Variants in CHST1 observed in about 807,000 individuals in gnomAD.
CHST1 encodes Keratan sulfotransferase.
Under a neutral mutation model 22.5 loss-of-function variants are expected in CHST1, and 10 were observed. The observed-to-expected ratio is 0.44, with a 90% CI of 0.27 to 0.75. The LOEUF (loss-of-function observed/expected upper bound fraction) is 0.75. CHST1 is among the 30% of genes least tolerant of loss of function. The pLI, the probability that CHST1 is intolerant of heterozygous loss-of-function variation, is 0.15. For missense variants in CHST1, 439 were observed against 576.1 expected (o/e 0.76, Z 2.44); for synonymous variants, 267 against 264.5 (o/e 1.01, Z -0.09).
At chr11:45,663,136 T>A (rs1042296059) in intron 1 of CHST1, among the ~76,000 whole-genome samples, 1 of 151,084 alleles carries the variant, frequency 6.6e-6, no homozygotes, top group Non-Finnish European at 1.5e-5. Flanking sequence ...GTTGGGAAAG[T>A]AAAGAGAGAT....
rs1196151893 is a variant in CHST1 at position 45,649,408 on chromosome 11, T to C, written c.*280A>G. 2 of 449,226 alleles carry C rather than the reference T, an allele frequency of 4.5e-6. No homozygotes were observed. The highest frequency in any genetic ancestry group is 7.8e-6 in the Non-Finnish European group (2 of 256,232). The allele number at this position is 449,226 out of a possible 1,614,324, so 27.8% of individuals were successfully genotyped here. ...TGTGTAAATGTGGTGCTTGTAAACA[T>C]TGTCACCGTCCGCACAGAGACCCAA... On this transcript the variant is annotated 3_prime_UTR_variant, in exon 4 of 4. Coordinates refer to ENST00000308064, the MANE Select transcript of CHST1 (RefSeq NM_003654.6).
chr11:45,657,487 C>T (rs1852076314), intron 1 of CHST1, among the ~76,000 whole-genome samples: 1 of 152,228 alleles, frequency 6.6e-6, no homozygotes, highest in South Asian at 2.1e-4. Context: ...CAAGAGATGT[C>T]CAGCTATTCC....
rs959047726 is a variant in CHST1, at chr11:45,664,563, C to A, written c.-227+615G>T. ...GTTACCGCGAAAGCCAGCACTGGGT[C>A]CCTGGAGCCTGGGAGGGGCTGATCC... On this transcript the variant is annotated intron_variant, in intron 1 of 3. Transcript: ENST00000308064. Among the ~76,000 whole-genome samples the A allele has an allele frequency of 7.0e-4, 107 of 152,330 alleles. 1 individual carries two copies. Among genetic ancestry groups the A allele is most frequent in the Non-Finnish European group, 1.3e-4 (9 of 68,038 alleles).
rs373169255 is a variant in CHST1 at position 45,664,090 on chromosome 11, C to T, written c.-227+1088G>A. Among the ~76,000 whole-genome samples, 46 of 152,288 alleles carry T rather than the reference C, an allele frequency of 3.0e-4. No homozygotes were observed. In the South Asian group the frequency reaches 8.9e-3, roughly 30 times the overall value. On this transcript the variant is annotated intron_variant, in intron 1 of 3. Transcript: ENST00000308064. ...AGACACCTGGCCCACTCGTTCCCAC[C>T]TGCTTGCCTCTGACGTCCCTGTGCT...
In CHST1 at chr11:45,654,551, C is replaced by T. The variant is rs547320357; in HGVS notation, c.-226-1945G>A. On this transcript the variant is annotated intron_variant, in intron 1 of 3. Coordinates refer to ENST00000308064, the MANE Select transcript of CHST1 (RefSeq NM_003654.6). ...GCATCTGCCCTGGAAACCAGAGGCCCTGGGGCCAGGTCCTGTTGTTCCCAA... is the reference window on the plus strand; with the variant it reads ...GCATCTGCCCTGGAAACCAGAGGCCTTGGGGCCAGGTCCTGTTGTTCCCAA... Among the ~76,000 whole-genome samples the T allele has an allele frequency of 1.3e-4, 20 of 152,384 alleles. No individual in the cohort carries two copies. The South Asian group carries it at 3.9e-3, about 30-fold the overall frequency.
At chr11:45,653,734 A>G (rs1369167708) in intron 1 of CHST1, among the ~76,000 whole-genome samples, 2 of 152,200 alleles carry the variant, frequency 1.3e-5, no homozygotes, top group African/African-American at 4.8e-5. Context: ...GAACTCCTGT[A>G]TGTGCCAGGC....
rs756039630 is a variant in CHST1 at position 45,650,890 on chromosome 11, C to T, written c.34G>A (p.Ala12Thr). 2 of 1,547,972 alleles carry T rather than the reference C, an allele frequency of 1.3e-6. No individual in the cohort carries two copies. The highest frequency in any genetic ancestry group is 3.9e-5 in the Admixed American group (2 of 51,920). The change falls in exon 4 of 4, where the codon GCC (alanine) becomes ACC (threonine). Residue 12 changes from alanine to threonine, a missense_variant. By Grantham distance (58) the Ala-to-Thr change is moderately conservative. Transcript: ENST00000308064. The part of the protein sequence containing the change: ...QCSWKAVLLL[A>T]LASIAIQYTA... The stretch of plus-strand genomic sequence containing the variant: ...TACTGGATGGCAATGGAGGCCAGGG[C>T]AAGGAGGAGGACGGCCTTCCAGGAA...
Position 45,656,230 on chromosome 11 carries a change from G to A in CHST1, c.-226-3624C>T, listed in dbSNP as rs150821403. Among the ~76,000 whole-genome samples the A allele has an allele frequency of 1.2e-4, 19 of 152,250 alleles. No homozygotes were observed. In the East Asian group the frequency reaches 2.7e-3, roughly 22 times the overall value. ...TACACACACAATTGAGAAGTTTCCCGAACCTCTGAAAGCCCAAGCTTGGGC... is the reference window on the plus strand; with the variant it reads ...TACACACACAATTGAGAAGTTTCCCAAACCTCTGAAAGCCCAAGCTTGGGC... On this transcript the variant is annotated intron_variant, in intron 1 of 3. Transcript: ENST00000308064.
chr11:45,664,905 C>CG (rs1852178349), intron 1 of CHST1, among the ~76,000 whole-genome samples: 1 of 152,156 alleles, frequency 6.6e-6, no homozygotes, highest in African/African-American at 2.4e-5. Context: ...CCAAGCGCCT[C>CG]GGGGGCCACC....
intron 1 of CHST1, among the ~76,000 whole-genome samples, chr11:45,654,326 A>G (rs72896789): frequency 0.034 from 5,135 of 152,314 alleles, 116 homozygotes; most frequent in Non-Finnish European, 0.051. Flanking sequence ...TCGGCCTCAC[A>G]AGGTGTGGCC....
In CHST1 at chr11:45,647,700, G is replaced by A. The variant is rs758248931; in HGVS notation, c.*1988C>T. On this transcript the variant is annotated 3_prime_UTR_variant, in exon 4 of 4. Coordinates refer to ENST00000308064, the MANE Select transcript of CHST1 (RefSeq NM_003654.6). Reference sequence around the variant, plus strand: ...ATTACAGAGCTGGATGGTGGCACACGTTGTGAATGTATTTAATGAATGGTA... The same window carrying A: ...ATTACAGAGCTGGATGGTGGCACACATTGTGAATGTATTTAATGAATGGTA... 1.1e-4 allele frequency among the ~76,000 whole-genome samples: 16 copies of A among 152,194 alleles called. No individual in the cohort carries two copies. The highest frequency in any genetic ancestry group is 3.9e-4 in the East Asian group (2 of 5,192).
Position 45,649,232 on chromosome 11 carries a change from T to A in CHST1, c.*456A>T, listed in dbSNP as rs1163906406. On this transcript the variant is annotated 3_prime_UTR_variant, in exon 4 of 4. Transcript: ENST00000308064. ...GCAGGAGGCAGGGATGGGGAAAGGA[T>A]GGACACCATTCATAAATTAGAGACA... 6.3e-6 allele frequency: 1 copy of A among 158,692 alleles called. No homozygotes were observed. Among genetic ancestry groups the A allele is most frequent in the Non-Finnish European group, 1.4e-5 (1 of 72,574 alleles). The allele number at this position is 158,692 out of a possible 1,614,324, so 9.8% of individuals were successfully genotyped here.
At position 45,650,119 on chromosome 11, in the gene CHST1, C is replaced by A. The variant is rs756306640; in HGVS notation, c.805G>T (p.Val269Leu). 6.2e-7 allele frequency: 1 copy of A among 1,614,034 alleles called. No individual in the cohort carries two copies. The highest frequency in any genetic ancestry group is 1.7e-5 in the Admixed American group (1 of 60,032). ...GTGRKPYNLD[V>L]TQLTTVCEDF... ...TCGCACACCGTGGTCAGCTGCGTCA[C>A]GTCCAGGTTGTAGGGTTTCCTCCCG... Residue 269 changes from valine (V) to leucine (L), a missense_variant, in exon 4 of 4, where the codon GTG becomes TTG. Transcript: ENST00000308064.
Position 45,650,943 on chromosome 11 carries a change from G to T in CHST1, c.-20C>A, listed in dbSNP as rs1459856559. On this transcript the variant is annotated 5_prime_UTR_variant, in exon 4 of 4. Transcript: ENST00000308064. The stretch of plus-strand genomic sequence containing the variant: ...TTGCATGGCTGGGCACCTTCATGGG[G>T]CTGCTTCTCCAAGGGGTGAGGTCTG... The T allele has an allele frequency of 3.9e-6, 6 of 1,519,832 alleles. No individual in the cohort carries two copies. Among genetic ancestry groups the T allele is most frequent in the Non-Finnish European group, 5.3e-6 (6 of 1,135,600 alleles). 94.1% of individuals were successfully genotyped at this position (1,519,832 alleles called of 1,614,324 possible).
Position 45,661,015 on chromosome 11 carries a change from T to A in CHST1, c.-227+4163A>T, listed in dbSNP as rs531502239. On this transcript the variant is annotated intron_variant, in intron 1 of 3. Coordinates refer to ENST00000308064, the MANE Select transcript of CHST1 (RefSeq NM_003654.6). ...TGCCCCCATGTGGCACCGTGGGGAT[T>A]TATAAAGAACAAATCATGCCTGACA... Among the ~76,000 whole-genome samples the A allele has an allele frequency of 1.1e-4, 16 of 152,342 alleles. No homozygotes were observed. In the East Asian group the frequency reaches 3.1e-3, roughly 29 times the overall value.
intron 1 of CHST1, among the ~76,000 whole-genome samples, chr11:45,659,681 A>C (rs956986461): frequency 5.3e-5 from 8 of 152,330 alleles, no homozygotes; most frequent in African/African-American, 1.9e-4. Flanking sequence ...AGAAGTCCAA[A>C]CACACTGTGC....
intron 1 of CHST1, among the ~76,000 whole-genome samples, chr11:45,659,889 T>TCTAAGCC (rs1852107936): frequency 6.6e-6 from 1 of 152,182 alleles, no homozygotes; most frequent in Non-Finnish European, 1.5e-5. Flanking sequence ...GCTTCCCTGC[T>TCTAAGCC]CTAAGCCCAA....
intron 1 of CHST1, among the ~76,000 whole-genome samples, chr11:45,656,577 G>A (rs1321280771): frequency 4.6e-5 from 7 of 152,124 alleles, no homozygotes; most frequent in Non-Finnish European, 5.9e-5. Context: ...AGGAGACACC[G>A]TTTACACTGA....
At chr11:45,656,862 A>C (rs1487372247) in intron 1 of CHST1, among the ~76,000 whole-genome samples, 1 of 152,000 alleles carries the variant, frequency 6.6e-6, no homozygotes, top group Non-Finnish European at 1.5e-5. Context: ...GGGACTGCTG[A>C]GATACAGGGA....
Sources: gnomAD v4.1 joint callset for allele counts (sites outside exome capture counted in the v4.1 genomes callset) on GRCh38, gnomAD v4.1.1 for gene constraint, MANE v1.5 for transcripts, NCBI Gene and HGNC (gene_info 2026-07-23, HGNC 2026-07-21) for gene names.